CNTN6: variants seen among roughly 807,000 people sequenced by gnomAD.
CNTN6 encodes the protein contactin 6.
CNTN6 carries 137 observed loss-of-function variants against 122.8 expected under a neutral mutation model. That is an observed-to-expected ratio of 1.12 (90% confidence interval 0.97 to 1.29). The LOEUF (loss-of-function observed/expected upper bound fraction) is 1.29. CNTN6 is among the 50% of genes most tolerant of loss of function. CNTN6 has a pLI of 0.00. For synonymous variants in CNTN6, 570 were observed against 426.0 expected, an observed-to-expected ratio of 1.34 and a Z score of -4.16; for missense variants, 1,634 against 1,223.4, an observed-to-expected ratio of 1.34 and a Z score of -5.01.
chr3:1,306,224 A>G (rs1435992577), intron 7 of CNTN6, among the ~76,000 whole-genome samples: 1 of 152,198 alleles, frequency 6.6e-6, no homozygotes, highest in Non-Finnish European at 1.5e-5. Flanking sequence ...CATTCACTCC[A>G]GAAATGTATA....
chr3:1,208,608 A>G (rs141800437), intron 2 of CNTN6, among the ~76,000 whole-genome samples: 70 of 152,214 alleles, frequency 4.6e-4, no homozygotes, highest in Middle Eastern at 3.4e-3. Context: ...TTTCTGGAGT[A>G]TAAATCATAG....
chr3:1,190,787 A>T (rs888918530), intron 2 of CNTN6, among the ~76,000 whole-genome samples: 11 of 152,022 alleles, frequency 7.2e-5, no homozygotes, highest in African/African-American at 2.4e-4. Context: ...TTGACGCGTG[A>T]CTCACTATCT....
At chr3:1,244,286 G>A (rs997150652) in intron 4 of CNTN6, among the ~76,000 whole-genome samples, 6 of 152,128 alleles carry the variant, frequency 3.9e-5, no homozygotes, top group African/African-American at 1.4e-4. Flanking sequence ...AGAAAAGAGA[G>A]CGTAGAGACA....
chr3:1,132,409 T>C (rs1476929032), intron 1 of CNTN6, among the ~76,000 whole-genome samples: 1 of 152,096 alleles, frequency 6.6e-6, no homozygotes, highest in Non-Finnish European at 1.5e-5. Context: ...ATCTCATTGA[T>C]GACACACCAG....
intron 1 of CNTN6, among the ~76,000 whole-genome samples, chr3:1,135,940 C>T (rs193037578): frequency 1.3e-5 from 2 of 152,046 alleles, no homozygotes; most frequent in African/African-American, 4.8e-5. Context: ...TGCCGTGAGC[C>T]GAGATTGCGC....
intron 20 of CNTN6, among the ~76,000 whole-genome samples, chr3:1,394,966 T>C (rs1274512507): frequency 6.6e-6 from 1 of 152,198 alleles, no homozygotes; most frequent in Non-Finnish European, 1.5e-5. Context: ...AATTCTAAAC[T>C]GAAGATTAGC....
chr3:1,357,466 A>G (rs1297361297), intron 12 of CNTN6, among the ~76,000 whole-genome samples: 3 of 151,908 alleles, frequency 2.0e-5, no homozygotes, highest in Non-Finnish European at 2.9e-5. Flanking sequence ...TTCTTTGTGT[A>G]TATCATCTCA....
chr3:1,110,403 C>T (rs943133824), intron 1 of CNTN6, among the ~76,000 whole-genome samples: 1 of 151,960 alleles, frequency 6.6e-6, no homozygotes, highest in Non-Finnish European at 1.5e-5. Flanking sequence ...CAAAAATTGC[C>T]TCTTGACTTA....
At chr3:1,347,377 C>T (rs761684597) in intron 11 of CNTN6, among the ~76,000 whole-genome samples, 1 of 151,954 alleles carries the variant, frequency 6.6e-6, no homozygotes, top group Non-Finnish European at 1.5e-5. Context: ...ATTGTGTGAA[C>T]AGTTAAAATA....
intron 2 of CNTN6, among the ~76,000 whole-genome samples, chr3:1,217,208 G>A (rs1447417668): frequency 2.6e-5 from 4 of 152,154 alleles, no homozygotes; most frequent in Admixed American, 6.5e-5. Context: ...TTCCAACCAA[G>A]AAGTCTGACC....
rs960692769 is a variant in CNTN6 at position 1,390,386 on chromosome 3, G to A, written c.2704+4589G>A. 4.4e-4 allele frequency among the ~76,000 whole-genome samples: 66 copies of A among 151,586 alleles called. 2 individuals are homozygous for A. In the South Asian group the frequency reaches 6.5e-3, roughly 15 times the overall value. ...ATGAGAACAAAGACACAACATACCAGAATCTCTGGGATGCATTCAAAGCAG... is the reference window on the plus strand; with the variant it reads ...ATGAGAACAAAGACACAACATACCAAAATCTCTGGGATGCATTCAAAGCAG... On this transcript the variant is annotated intron_variant, in intron 20 of 22. Coordinates refer to ENST00000446702, the MANE Select transcript of CNTN6 (RefSeq NM_001289080.2).
intron 2 of CNTN6, among the ~76,000 whole-genome samples, chr3:1,166,755 CCAT>C (rs1353614665): frequency 6.6e-6 from 1 of 152,032 alleles, no homozygotes; most frequent in Non-Finnish European, 1.5e-5. Flanking sequence ...AAGCTGGAAG[CCAT>C]CATTCTTAGC....
intron 12 of CNTN6, among the ~76,000 whole-genome samples, chr3:1,366,116 C>G (rs73094920): frequency 8.5e-5 from 13 of 152,152 alleles, no homozygotes; most frequent in African/African-American, 2.9e-4. Context: ...GAGGAGCTCA[C>G]GTTTTGAATG....
chr3:1,209,048 T>C (rs1485297702), intron 2 of CNTN6, among the ~76,000 whole-genome samples: 1 of 152,146 alleles, frequency 6.6e-6, no homozygotes, highest in Non-Finnish European at 1.5e-5. Context: ...CCTAAAGAGA[T>C]CAACAGAATG....
chr3:1,175,683 C>A (rs1030706500), intron 2 of CNTN6, among the ~76,000 whole-genome samples: 1 of 152,142 alleles, frequency 6.6e-6, no homozygotes, highest in East Asian at 1.9e-4. Context: ...TTTGTATATG[C>A]AAAAGACCCC....
At chr3:1,162,013 C>A (rs2093146481) in intron 2 of CNTN6, among the ~76,000 whole-genome samples, 1 of 151,754 alleles carries the variant, frequency 6.6e-6, no homozygotes. Context: ...CTGAAGATAC[C>A]TAATAGTTTA....
chr3:1,347,402 A>C (rs1198079436), intron 11 of CNTN6, among the ~76,000 whole-genome samples: 1 of 152,174 alleles, frequency 6.6e-6, no homozygotes, highest in Admixed American at 6.6e-5. Context: ...AATTAAGTGG[A>C]TATTAGAGAA....
chr3:1,213,785 GATAA>G (rs2094083561), intron 2 of CNTN6, among the ~76,000 whole-genome samples: 1 of 150,812 alleles, frequency 6.6e-6, no homozygotes, highest in Non-Finnish European at 1.5e-5. Context: ...AAGTAAAAAT[GATAA>G]ATAATTTGAA....
At chr3:1,137,924 C>T (rs544694151) in intron 1 of CNTN6, among the ~76,000 whole-genome samples, 2 of 152,242 alleles carry the variant, frequency 1.3e-5, no homozygotes, top group African/African-American at 4.8e-5. Context: ...CTATTTGGTC[C>T]CAGTTTTGCT....
Sources: allele counts gnomAD v4.1 joint callset (sites outside exome capture counted in the v4.1 genomes callset), GRCh38; gene constraint gnomAD v4.1.1; transcripts MANE v1.5; gene names NCBI Gene and HGNC (gene_info 2026-07-23, HGNC 2026-07-21).